The following UNC80 variants were observed in gnomAD, a reference collection of about 807,000 sequenced individuals.
The protein encoded by UNC80 is protein unc-80 homolog.
UNC80 carries 164 observed loss-of-function variants against 384.6 expected under a neutral mutation model. The observed-to-expected ratio is 0.43, with a 90% CI of 0.38 to 0.49. UNC80 has a LOEUF of 0.49. UNC80 is among the 20% of genes least tolerant of loss of function. UNC80 has a pLI of 0.00. For missense variants in UNC80, 3,330 were observed against 4,143.0 expected, an observed-to-expected ratio of 0.80 and a Z score of 5.39; for synonymous variants, 1,486 against 1,527.8, an observed-to-expected ratio of 0.97 and a Z score of 0.64.
In UNC80 at chr2:209,984,900, G is replaced by A; in HGVS notation, c.9302G>A (p.Gly3101Asp). ...LDDSQGLAAE[G>D]SLSRVASIQS... Reference sequence around the variant, plus strand: ...GACTCCCAGGGCCTGGCCGCCGAGGGCAGCCTCTCTAGGTACAGTGTCAAT... The same window carrying A: ...GACTCCCAGGGCCTGGCCGCCGAGGACAGCCTCTCTAGGTACAGTGTCAAT... Residue 3101 changes from glycine to aspartate, a missense_variant, in exon 61 of 65, where the codon GGC becomes GAC. Gly to Asp is a moderately conservative substitution (Grantham distance 94, BLOSUM62 -1). Transcript: ENST00000673920. 1 of 1,550,714 alleles carries A rather than the reference G, an allele frequency of 6.4e-7. No homozygotes were observed. The highest frequency in any genetic ancestry group is 8.7e-7 in the Non-Finnish European group (1 of 1,146,554).
At chr2:209,925,189 C>T (rs1016834624) in intron 35 of UNC80, among the ~76,000 whole-genome samples, 8 of 151,688 alleles carry the variant, frequency 5.3e-5, no homozygotes, top group African/African-American at 1.7e-4. Context: ...TCACAGTATT[C>T]TCATTGCTTT....
intron 22 of UNC80, among the ~76,000 whole-genome samples, chr2:209,866,091 G>A (rs1162333119): frequency 6.6e-6 from 1 of 151,960 alleles, no homozygotes; most frequent in African/African-American, 2.4e-5. Flanking sequence ...AGGTTCATTA[G>A]GTACTTGAAT....
intron 35 of UNC80, among the ~76,000 whole-genome samples, chr2:209,923,722 A>G (rs1190339545): frequency 6.6e-6 from 1 of 152,190 alleles, no homozygotes; most frequent in Non-Finnish European, 1.5e-5. Flanking sequence ...TCTGATGTTA[A>G]CATAGATACT....
Position 209,937,594 on chromosome 2 carries a change from G to T in UNC80, c.6429G>T (p.Met2143Ile), listed in dbSNP as rs1417556035. Residue 2143 changes from methionine to isoleucine, a missense_variant, in exon 42 of 65, where the codon ATG (methionine) becomes ATT (isoleucine). Transcript: ENST00000673920. ...SVSPQLNLVH[M>I]HPEKGQELIQ... ...CTCCCCAGCTGAATCTTGTACATAT[G>T]CATCCAGAGAAGGGACAGGAGCTCA... 1 of 1,551,732 alleles carries T rather than the reference G, an allele frequency of 6.4e-7. No homozygotes were observed.
intron 25 of UNC80, among the ~76,000 whole-genome samples, chr2:209,885,034 A>T (rs1213604137): frequency 6.6e-6 from 1 of 152,100 alleles, no homozygotes; most frequent in Non-Finnish European, 1.5e-5. Flanking sequence ...CACGCCCTGC[A>T]CATGTATCCT....
At chr2:209,792,325 T>C (rs1002347987) in intron 6 of UNC80, among the ~76,000 whole-genome samples, 1 of 152,020 alleles carries the variant, frequency 6.6e-6, no homozygotes. Flanking sequence ...AAAGTAAACA[T>C]CTTAATACTT....
At chr2:209,856,314 C>A (rs1254831223) in intron 22 of UNC80, among the ~76,000 whole-genome samples, 1 of 151,962 alleles carries the variant, frequency 6.6e-6, no homozygotes, top group African/African-American at 2.4e-5. Context: ...TCTTTTATTG[C>A]TGATATTTAA....
At chr2:209,817,226 G>C in intron 10 of UNC80, 101 bp downstream of exon 10, 1 of 1,189,138 alleles carries the variant, frequency 8.4e-7, no homozygotes, top group East Asian at 2.6e-5. Context: ...GAACAATTCA[G>C]CCAAGAAATT....
At chr2:209,774,822 G>A (rs1179137316) in intron 2 of UNC80, among the ~76,000 whole-genome samples, 1 of 152,012 alleles carries the variant, frequency 6.6e-6, no homozygotes, top group East Asian at 1.9e-4. Flanking sequence ...AAACCTCAGT[G>A]TGCCCTTCAT....
At chr2:209,772,261 G>A (rs1410214385) in intron 1 of UNC80, 97 bp downstream of exon 1, 24 of 515,230 alleles carry the variant, frequency 4.7e-5, no homozygotes, top group Admixed American at 1.0e-4. Context: ...CTGAGGCCGC[G>A]CCACAGCCTG....
intron 28 of UNC80, among the ~76,000 whole-genome samples, chr2:209,901,719 G>A (rs1470873959): frequency 6.6e-6 from 1 of 152,102 alleles, no homozygotes; most frequent in Admixed American, 6.5e-5. Flanking sequence ...GAGGTCAGGA[G>A]ATCAAGACCA....
intron 42 of UNC80, among the ~76,000 whole-genome samples, chr2:209,938,710 C>CTCTCTG (rs1491352008): frequency 6.0e-5 from 5 of 83,384 alleles, no homozygotes; most frequent in African/African-American, 1.6e-4. Context: ...CTCTCTCTCT[C>CTCTCTG]TGTGTGTGTG....
intron 8 of UNC80, 142 bp downstream of exon 8, chr2:209,813,983 T>G (rs754872055): frequency 7.3e-5 from 80 of 1,099,978 alleles, no homozygotes; most frequent in Non-Finnish European, 9.5e-5. Context: ...ATCTTTTCCC[T>G]TCCATCTTGC....
intron 52 of UNC80, 70 bp from the exon 53 acceptor site, chr2:209,969,696 CTG>C: frequency 6.5e-7 from 1 of 1,528,432 alleles, no homozygotes; most frequent in Non-Finnish European, 8.8e-7. Context: ...ATCAGAATCA[CTG>C]TCTCATTCAC....
rs2081653245 is a variant in UNC80 at position 209,840,440 on chromosome 2, G to A, written c.3251-102G>A. 6 of 934,276 alleles carry A rather than the reference G, an allele frequency of 6.4e-6. No individual in the cohort carries two copies. In the South Asian group the frequency reaches 7.7e-5, roughly 12 times the overall value. The allele number at this position is 934,276 out of a possible 1,614,324, so 57.9% of individuals were successfully genotyped here. On this transcript the variant is annotated intron_variant, in intron 19 of 64. Transcript: ENST00000673920. The stretch of plus-strand genomic sequence containing the variant: ...CAATTTGTTTTTCTATTTATACCAA[G>A]CCATGTAACTTTCATCGCTTGTTGG...
chr2:209,943,428 T>A lies in UNC80; in HGVS notation c.6964T>A (p.Phe2322Ile), dbSNP rs1373557837. 7 of 1,552,108 alleles carry A rather than the reference T, an allele frequency of 4.5e-6. No individual in the cohort carries two copies. The Admixed American group carries it at 1.4e-4, about 30-fold the overall frequency. Reference sequence around the variant, plus strand: ...TCCCCAGCTGCGTCAAGCCATCGAATTTGCCTGTCACCAGTTCTATATTCT... The same window carrying A: ...TCCCCAGCTGCGTCAAGCCATCGAAATTGCCTGTCACCAGTTCTATATTCT... ...SNPQLRQAIE[F>I]ACHQFYILHR... Residue 2322 changes from phenylalanine (F) to isoleucine (I), a missense_variant, in exon 45 of 65, where the codon TTT (phenylalanine) becomes ATT (isoleucine). This residue lies in a region of UNC80 where 1,049 missense variants were observed against 1,488.6 expected (regional missense o/e 0.70). Transcript: ENST00000673920.
At position 209,877,986 on chromosome 2, in the gene UNC80, C is replaced by T. The variant is rs372732910; in HGVS notation, c.3873C>T (p.His1291=). ...GCGTCCGATTGAATGAGCTGTGCCACGGGGAAAGTGAGAGCCCAGCCAACC... is the reference window on the plus strand; with the variant it reads ...GCGTCCGATTGAATGAGCTGTGCCATGGGGAAAGTGAGAGCCCAGCCAACC... ...AIGVRLNELC[H]GESESPANLL... The change falls in exon 24 of 65, where the codon CAC becomes CAT. Residue 1291 remains histidine, a synonymous_variant. Coordinates refer to ENST00000673920, the MANE Select transcript of UNC80 (RefSeq NM_001371986.1). 150 of 1,541,138 alleles carry T rather than the reference C, an allele frequency of 9.7e-5. No individual in the cohort carries two copies. The highest frequency in any genetic ancestry group is 3.5e-4 in the African/African-American group (25 of 72,448).
Position 209,904,747 on chromosome 2 carries a change from G to A in UNC80, c.4582-18G>A. The A allele has an allele frequency of 1.3e-6, 2 of 1,551,496 alleles. No homozygotes were observed. Among genetic ancestry groups the A allele is most frequent in the Admixed American group, 2.0e-5 (1 of 51,012 alleles). Reference sequence around the variant, plus strand: ...ACCCTGGTTGCCTGGCTGAGTCTCAGGAATGTTTGTATTCCAGGTGATGAT... The same window carrying A: ...ACCCTGGTTGCCTGGCTGAGTCTCAAGAATGTTTGTATTCCAGGTGATGAT... On this transcript the variant is annotated intron_variant, in intron 28 of 64. Transcript: ENST00000673920.
chr2:209,937,771 T>G (rs1241330299), intron 42 of UNC80, 141 bp downstream of exon 42: 2 of 640,360 alleles, frequency 3.1e-6, no homozygotes, highest in Non-Finnish European at 5.5e-6. Context: ...CTCAACAAAT[T>G]ATTCCCCTAA....
Sources: gnomAD v4.1 joint callset for allele counts (sites outside exome capture counted in the v4.1 genomes callset) on GRCh38, gnomAD v4.1.1 for gene constraint, gnomAD v4.1.1 regional missense constraint, MANE v1.5 for transcripts, NCBI Gene and HGNC (gene_info 2026-07-23, HGNC 2026-07-21) for gene names.